The following ZFAT variants were observed in gnomAD, a reference collection of about 807,000 sequenced individuals.
ZFAT encodes the protein zinc finger and AT-hook domain containing.
In ZFAT, 64 loss-of-function variants were observed where a neutral mutation model predicts 117.7. The ratio of observed to expected loss-of-function variants is 0.54; its 90% CI spans 0.44 to 0.67. The LOEUF (loss-of-function observed/expected upper bound fraction) is 0.67, where lower values mean the gene tolerates loss of function less well. Ranked by LOEUF, ZFAT falls within the 30% of genes least tolerant of loss-of-function variation. ZFAT has a pLI of 0.00. For missense variants in ZFAT, 1,433 were observed against 1,584.5 expected (o/e 0.90, Z 1.62); for synonymous variants, 679 against 615.0 (o/e 1.10, Z -1.54).
chr8:134,639,980 G>A (rs1372706743), intron 2 of ZFAT: 1 of 352,418 alleles, frequency 2.8e-6, no homozygotes, highest in African/African-American at 2.2e-5. Flanking sequence ...ACAGGGAGGT[G>A]ATTTCTAGGC....
At position 134,712,929 on chromosome 8, in the gene ZFAT, G is replaced by A. The variant is rs1199535548; in HGVS notation, c.-66C>T. The A allele has an allele frequency of 7.0e-7, 1 of 1,433,922 alleles. No individual in the cohort carries two copies. The highest frequency in any genetic ancestry group is 9.2e-7 in the Non-Finnish European group (1 of 1,091,774). 88.8% of individuals were successfully genotyped at this position (1,433,922 alleles called of 1,614,324 possible). On this transcript the variant is annotated 5_prime_UTR_variant, in exon 1 of 16. Transcript: ENST00000377838. ...TTCCGGGCCCCCTCCCGTGCCGACC[G>A]AGGGGGCGGGGCGCCCTGCTGACGC...
In ZFAT at chr8:134,584,024, A is replaced by T. The variant is rs1303912066; in HGVS notation, c.2714-19T>A. ...TTCACACCTGCCAAGGGAAAAATGT[A>T]TATATCTCTATATATTTACATACGT... On this transcript the variant is annotated intron_variant, in intron 9 of 15. Coordinates refer to ENST00000377838, the MANE Select transcript of ZFAT (RefSeq NM_020863.4). 7.1e-6 allele frequency: 11 copies of T among 1,547,394 alleles called. No homozygotes were observed. Among genetic ancestry groups the T allele is most frequent in the Non-Finnish European group, 9.6e-6 (11 of 1,144,562 alleles).
chr8:134,508,995 C>T (rs1819616187), intron 15 of ZFAT, among the ~76,000 whole-genome samples: 1 of 152,222 alleles, frequency 6.6e-6, no homozygotes, highest in South Asian at 2.1e-4. Flanking sequence ...CAGATAGAGA[C>T]ACAGGTATAA....
At chr8:134,497,772 G>A (rs890254982) in intron 15 of ZFAT, among the ~76,000 whole-genome samples, 10 of 114,136 alleles carry the variant, frequency 8.8e-5, no homozygotes, top group African/African-American at 2.7e-4. Flanking sequence ...TACACACAGA[G>A]CCTGATTTGG....
At chr8:134,656,602 A>T (rs569663716) in intron 2 of ZFAT, among the ~76,000 whole-genome samples, 1 of 152,286 alleles carries the variant, frequency 6.6e-6, no homozygotes, top group South Asian at 2.1e-4. Flanking sequence ...TTTTGTCTGG[A>T]ATCTCTCCTT....
At chr8:134,567,470 TCC>T (rs1563858247) in intron 10 of ZFAT, among the ~76,000 whole-genome samples, 3 of 151,712 alleles carry the variant, frequency 2.0e-5, no homozygotes, top group Non-Finnish European at 4.4e-5. Flanking sequence ...CATCCATCCA[TCC>T]ATCCATCCAT....
the ZFAT span, among the ~76,000 whole-genome samples, chr8:134,829,510 T>G: frequency 6.6e-6 from 1 of 152,242 alleles, no homozygotes; most frequent in African/African-American, 2.4e-5. Flanking sequence ...AACACACTGA[T>G]AACCCTTACA....
the ZFAT span, among the ~76,000 whole-genome samples, chr8:134,825,598 G>A: frequency 6.6e-6 from 1 of 152,164 alleles, no homozygotes; most frequent in African/African-American, 2.4e-5. Context: ...CACAGAATAC[G>A]GCTGAAGACA....
At chr8:134,633,475 A>C (rs1830019034) in intron 3 of ZFAT, among the ~76,000 whole-genome samples, 1 of 152,332 alleles carries the variant, frequency 6.6e-6, no homozygotes, top group Non-Finnish European at 1.5e-5. Flanking sequence ...TCAGAGAGAA[A>C]ATTTTAAAAC....
chr8:134,644,777 CCA>C lies in ZFAT; in HGVS notation c.197-7067_197-7066del, dbSNP rs548576424. 3.2e-3 allele frequency among the ~76,000 whole-genome samples: 483 copies of C among 151,608 alleles called. 2 individuals are homozygous for C. Among genetic ancestry groups the C allele is most frequent in the Non-Finnish European group, 3.5e-3 (236 of 67,876 alleles). ...ACACACATGTATACTCACAATGTGC[CCA>C]GATATGCAATCACACACATGCACAC... is the stretch of plus-strand genomic sequence containing the variant. On this transcript the variant is annotated intron_variant, in intron 2 of 15. Coordinates refer to ENST00000377838, the MANE Select transcript of ZFAT (RefSeq NM_020863.4).
At chr8:134,786,349 G>T in the ZFAT span, among the ~76,000 whole-genome samples, 1 of 152,274 alleles carries the variant, frequency 6.6e-6, no homozygotes, top group South Asian at 2.1e-4. Context: ...CATCTCTAAA[G>T]TTGTACCATT....
the ZFAT span, among the ~76,000 whole-genome samples, chr8:134,824,311 A>C: frequency 1.3e-5 from 2 of 152,238 alleles, no homozygotes; most frequent in Admixed American, 1.3e-4. Flanking sequence ...AGAGATAAAG[A>C]ATAAAGTTGG....
At chr8:134,747,890 C>T in the ZFAT span, among the ~76,000 whole-genome samples, 3 of 152,270 alleles carry the variant, frequency 2.0e-5, no homozygotes, top group East Asian at 5.8e-4. Flanking sequence ...GGATAGCCAC[C>T]TGGGCTTTGG....
At chr8:134,800,705 A>T in the ZFAT span, 1 of 359,268 alleles carries the variant, frequency 2.8e-6, no homozygotes. Flanking sequence ...TAAATGAGGC[A>T]AGACTCAATC....
intron 3 of ZFAT, among the ~76,000 whole-genome samples, chr8:134,614,395 G>T (rs1828570941): frequency 6.6e-6 from 1 of 152,174 alleles, no homozygotes; most frequent in Admixed American, 6.5e-5. Flanking sequence ...ACCTCTGCTT[G>T]TCTGAGTGAC....
chr8:134,648,625 A>G (rs1388608256), intron 2 of ZFAT, among the ~76,000 whole-genome samples: 1 of 152,174 alleles, frequency 6.6e-6, no homozygotes, highest in Non-Finnish European at 1.5e-5. Flanking sequence ...GCAAAGATGC[A>G]TACACCTATA....
chr8:134,509,736 G>A lies in ZFAT; in HGVS notation c.3375C>T (p.Asp1125=), dbSNP rs1819672937. The change falls in exon 15 of 16, where the codon GAC becomes GAT. Residue 1125 remains aspartate, a synonymous_variant. Coordinates refer to ENST00000377838, the MANE Select transcript of ZFAT (RefSeq NM_020863.4). The part of the protein sequence containing the change: ...RYTSESGDRL[D]PTAVNILQQI... ...GCTGCAGGATGTTCACGGCCGTGGG[G>A]TCCAGTCGGTCGCCTTAAGAGGAAG... The A allele has an allele frequency of 1.9e-6, 3 of 1,605,686 alleles. No homozygotes were observed. Among genetic ancestry groups the A allele is most frequent in the Non-Finnish European group, 2.5e-6 (3 of 1,177,132 alleles).
chr8:134,503,915 A>AAC (rs144794990), intron 15 of ZFAT, among the ~76,000 whole-genome samples: 132 of 149,222 alleles, frequency 8.8e-4, no homozygotes, highest in Middle Eastern at 6.9e-3. Flanking sequence ...TTTGAACACA[A>AAC]ACACACACAC....
intron 7 of ZFAT, among the ~76,000 whole-genome samples, chr8:134,591,813 G>C (rs1424796388): frequency 6.6e-6 from 1 of 152,144 alleles, no homozygotes; most frequent in South Asian, 2.1e-4. Context: ...AGCTCAGAGA[G>C]GCATGGACCA....
Sources: allele counts gnomAD v4.1 joint callset (sites outside exome capture counted in the v4.1 genomes callset), GRCh38; gene constraint gnomAD v4.1.1; transcripts MANE v1.5; gene names NCBI Gene and HGNC (gene_info 2026-07-23, HGNC 2026-07-21).